Variants in GPNMB observed in about 807,000 individuals in gnomAD.
GPNMB encodes glycoprotein nmb, also known as transmembrane glycoprotein NMB.
In GPNMB, 71 loss-of-function variants were observed where a neutral mutation model predicts 57.3. That is an observed-to-expected ratio of 1.24 (90% CI 1.02 to 1.51). The LOEUF is 1.51. Ranked by LOEUF, GPNMB falls within the 40% of genes most tolerant of loss-of-function variation. GPNMB has a pLI of 0.00. For synonymous variants in GPNMB, 253 were observed against 263.2 expected, an observed-to-expected ratio of 0.96 and a Z score of 0.38; for missense variants, 677 against 691.9, an observed-to-expected ratio of 0.98 and a Z score of 0.24.
rs1009691008 is a variant in GPNMB, at chr7:23,256,943, A to G, written c.419A>G (p.Glu140Gly). 3.1e-6 allele frequency: 5 copies of G among 1,614,104 alleles called. No homozygotes were observed. Among genetic ancestry groups the G allele is most frequent in the Middle Eastern group, 1.6e-4 (1 of 6,084 alleles). Residue 140 changes from glutamate (E) to glycine (G), a missense_variant, in exon 4 of 11, where the codon GAG becomes GGG. Glu to Gly is a moderately conservative substitution (Grantham distance 98, BLOSUM62 -2). Coordinates refer to ENST00000258733, the MANE Select transcript of GPNMB (RefSeq NM_002510.3). ...PYVYNWTAWS[E>G]DSDGENGTGQ... The stretch of plus-strand genomic sequence containing the variant: ...GTTTACAACTGGACAGCATGGTCAG[A>G]GGACAGTGACGGGGAAAATGGCACC...
rs187509890 is a variant in GPNMB, at chr7:23,274,711, G to A, written c.*487G>A. On this transcript the variant is annotated 3_prime_UTR_variant, in exon 11 of 11. Coordinates refer to ENST00000258733, the MANE Select transcript of GPNMB (RefSeq NM_002510.3). ...TGAACTCCTGATGGAACAATAACAG[G>A]CCCAAGCCTGTGGTATGATGTGCAC... 4.6e-5 allele frequency: 7 copies of A among 153,034 alleles called. No individual in the cohort carries two copies. The highest frequency in any genetic ancestry group is 3.9e-4 in the East Asian group (2 of 5,190). 9.5% of individuals were successfully genotyped at this position (153,034 alleles called of 1,614,324 possible).
At chr7:23,272,899 A>G (rs1403810448) in intron 9 of GPNMB, among the ~76,000 whole-genome samples, 2 of 150,038 alleles carry the variant, frequency 1.3e-5, no homozygotes, top group East Asian at 3.9e-4. Flanking sequence ...GCTGCAGTGC[A>G]GTAGGGTAAT....
In GPNMB at chr7:23,256,994, C is replaced by T; in HGVS notation, c.470C>T (p.Pro157Leu). The T allele has an allele frequency of 6.2e-7, 1 of 1,613,950 alleles. No individual in the cohort carries two copies. Among genetic ancestry groups the T allele is most frequent in the East Asian group, 2.2e-5 (1 of 44,888 alleles). Residue 157 changes from proline to leucine, a missense_variant, in exon 4 of 11, where the codon CCT (proline) becomes CTT (leucine). Physicochemically the swap from Pro to Leu is moderately conservative, Grantham distance 98 (BLOSUM62 -3). Transcript: ENST00000258733. ...GTGQSHHNVF[P>L]DGKPFPHHPG... Reference sequence around the variant, plus strand: ...GGCCAAAGCCATCATAACGTCTTCCCTGATGGGAAACCTTTTCCTCACCAC... The same window carrying T: ...GGCCAAAGCCATCATAACGTCTTCCTTGATGGGAAACCTTTTCCTCACCAC...
intron 6 of GPNMB, among the ~76,000 whole-genome samples, chr7:23,263,912 T>C (rs989479168): frequency 6.6e-6 from 1 of 152,128 alleles, no homozygotes; most frequent in African/African-American, 2.4e-5. Context: ...TTCTTAATAA[T>C]GCACAGCCGA....
At chr7:23,254,892 C>T (rs529316200) in intron 3 of GPNMB, among the ~76,000 whole-genome samples, 4 of 152,180 alleles carry the variant, frequency 2.6e-5, no homozygotes, top group South Asian at 2.1e-4. Context: ...AGTTAATGGC[C>T]GGATACCATG....
rs758683361 is a variant in GPNMB, at chr7:23,267,844, G to A, written c.1118-42G>A. 1.0e-5 allele frequency: 13 copies of A among 1,258,808 alleles called. No homozygotes were observed. In the South Asian group the frequency reaches 1.4e-4, roughly 14 times the overall value. The allele number at this position is 1,258,808 out of a possible 1,614,324, so 78.0% of individuals were successfully genotyped here. ...GATTGTTTGGCTTTGTTTGATTTCTGTTGTATTTTGATGTGTTTTTCTCTG... is the reference window on the plus strand; with the variant it reads ...GATTGTTTGGCTTTGTTTGATTTCTATTGTATTTTGATGTGTTTTTCTCTG... On this transcript the variant is annotated intron_variant, in intron 7 of 10. Coordinates refer to ENST00000258733, the MANE Select transcript of GPNMB (RefSeq NM_002510.3).
At chr7:23,268,879 A>G (rs1415045662) in intron 8 of GPNMB, among the ~76,000 whole-genome samples, 2 of 152,172 alleles carry the variant, frequency 1.3e-5, no homozygotes, top group African/African-American at 4.8e-5. Context: ...CCATGAGTCC[A>G]GCATCAGAGC....
intron 6 of GPNMB, among the ~76,000 whole-genome samples, chr7:23,262,777 C>T (rs576377695): frequency 1.6e-4 from 24 of 152,002 alleles, no homozygotes; most frequent in African/African-American, 5.1e-4. Flanking sequence ...CACAACCACA[C>T]CCAGCTAATT....
chr7:23,257,465 A>G (rs1339491558), intron 4 of GPNMB: 2 of 297,700 alleles, frequency 6.7e-6, no homozygotes, highest in Non-Finnish European at 1.3e-5. Flanking sequence ...TGAAGTCAGG[A>G]GTTCAAGACC....
intron 9 of GPNMB, chr7:23,273,176 GGT>G (rs1176919156): frequency 4.9e-6 from 1 of 203,446 alleles, no homozygotes; most frequent in Admixed American, 5.8e-5. Context: ...ACAGCTAGAA[GGT>G]AAGTAGAGAG....
At chr7:23,262,331 TA>T (rs944418203) in intron 6 of GPNMB, among the ~76,000 whole-genome samples, 3 of 152,192 alleles carry the variant, frequency 2.0e-5, no homozygotes, top group African/African-American at 7.2e-5. Context: ...TCCCAAGAGT[TA>T]AACCCTGTTA....
At chr7:23,267,360 T>A (rs892075138) in intron 7 of GPNMB, among the ~76,000 whole-genome samples, 1 of 152,232 alleles carries the variant, frequency 6.6e-6, no homozygotes, top group Non-Finnish European at 1.5e-5. Flanking sequence ...TGGGGGTAGA[T>A]TGCCAGATCT....
At chr7:23,254,023 A>G (rs1483869608) in intron 2 of GPNMB, 146 bp from the exon 3 acceptor site, 2 of 529,906 alleles carry the variant, frequency 3.8e-6, no homozygotes, top group Non-Finnish European at 6.1e-6. Flanking sequence ...TCTGAAAGCT[A>G]AAGTGAGGAA....
At chr7:23,255,500 A>C (rs904166077) in intron 3 of GPNMB, among the ~76,000 whole-genome samples, 4 of 152,228 alleles carry the variant, frequency 2.6e-5, no homozygotes, top group African/African-American at 9.6e-5. Context: ...TATTGTGAAT[A>C]CTGCTGCAAC....
chr7:23,259,933 T>C (rs760524022), intron 4 of GPNMB, 47 bp from the exon 5 acceptor site: 121 of 1,577,226 alleles, frequency 7.7e-5, no homozygotes, highest in Non-Finnish European at 1.1e-4. Flanking sequence ...CTTCCTATAA[T>C]GATGATATAA....
chr7:23,271,634 A>G (rs1490982752), intron 9 of GPNMB, among the ~76,000 whole-genome samples: 2 of 152,112 alleles, frequency 1.3e-5, no homozygotes, highest in Non-Finnish European at 2.9e-5. Context: ...CATCTCTACT[A>G]AAAATACAAA....
chr7:23,264,380 A>T (rs947563072), intron 6 of GPNMB, among the ~76,000 whole-genome samples: 12 of 148,598 alleles, frequency 8.1e-5, no homozygotes, highest in South Asian at 2.1e-4. Context: ...TTTTATTTTT[A>T]TTTTTTTTTT....
Position 23,267,955 on chromosome 7 carries a change from C to A in GPNMB, c.1187C>A (p.Ser396Tyr), listed in dbSNP as rs376026669. Residue 396 changes from serine (S) to tyrosine (Y), a missense_variant, in exon 8 of 11, where the codon TCC (serine) becomes TAC (tyrosine). Transcript: ENST00000258733. ...ATGCCGGTGCCATGGCCTGAAAGCT[C>A]CCTAATAGACTTTGTCGTGACCTGC... ...VLMPVPWPES[S>Y]LIDFVVTCQG... 27 of 1,613,346 alleles carry A rather than the reference C, an allele frequency of 1.7e-5. No individual in the cohort carries two copies. The African/African-American group carries it at 3.5e-4, about 21-fold the overall frequency.
At chr7:23,270,294 T>C (rs1368695706) in intron 9 of GPNMB, 119 bp downstream of exon 9, 5 of 656,942 alleles carry the variant, frequency 7.6e-6, no homozygotes, top group African/African-American at 7.3e-5. Flanking sequence ...ACAAAATTCA[T>C]TGAACTCTTA....
Sources: allele counts gnomAD v4.1 joint callset (sites outside exome capture counted in the v4.1 genomes callset), GRCh38; gene constraint gnomAD v4.1.1; transcripts MANE v1.5; gene names NCBI Gene and HGNC (gene_info 2026-07-23, HGNC 2026-07-21).